The following USP34 variants were observed in gnomAD, a reference collection of about 807,000 sequenced individuals.
USP34 encodes the protein ubiquitin carboxyl-terminal hydrolase 34.
A neutral mutation model predicts 460.3 loss-of-function variants in USP34; 70 were observed. The ratio of observed to expected loss-of-function variants is 0.15; its 90% CI spans 0.13 to 0.19. The LOEUF is 0.19. Ranked by LOEUF, USP34 falls within the 10% of genes least tolerant of loss-of-function variation. The pLI is 1.00. For synonymous variants in USP34, 1,647 were observed against 1,405.3 expected (o/e 1.17, Z -3.85); for missense variants, 3,985 against 4,236.2 (o/e 0.94, Z 1.65).
At position 61,380,179 on chromosome 2, in the gene USP34, C is replaced by T. The variant is rs1181913739; in HGVS notation, c.1004G>A (p.Ser335Asn). The T allele has an allele frequency of 6.2e-7, 1 of 1,612,384 alleles. No homozygotes were observed. Among genetic ancestry groups the T allele is most frequent in the Non-Finnish European group, 8.5e-7 (1 of 1,179,080 alleles). The change falls in exon 7 of 80, where the codon AGT (serine) becomes AAT (asparagine). Residue 335 changes from serine (S) to asparagine (N), a missense_variant. Ser to Asn is a conservative substitution (Grantham distance 46, BLOSUM62 1). Transcript: ENST00000398571. ...PTLTMRLAGL[S>N]QITNQLHTFN... ...ACAAATACAGCTTACTGTTATCTGA[C>T]TCAATCCAGCCAACCTCATAGTCAA...
intron 5 of USP34, among the ~76,000 whole-genome samples, chr2:61,392,095 T>A (rs1693365116): frequency 6.6e-6 from 1 of 152,120 alleles, no homozygotes; most frequent in Non-Finnish European, 1.5e-5. Flanking sequence ...TAAAACAGAA[T>A]CTAAGCCTAA....
In USP34 at chr2:61,214,153, C is replaced by T; in HGVS notation, c.8589G>A (p.Glu2863=). The change falls in exon 68 of 80, where the codon GAG becomes GAA. Residue 2863 remains glutamate (E), a synonymous_variant. Coordinates refer to ENST00000398571, the MANE Select transcript of USP34 (RefSeq NM_014709.4). The stretch of plus-strand genomic sequence containing the variant: ...GTTGTCGTGTGAATGCAGGAGACTG[C>T]TCACAGCAGAGCCTCAGAATGCCAT... The part of the protein sequence containing the change: ...AYYGILRLCC[E]QSPAFTRQLA... 6.2e-7 allele frequency: 1 copy of T among 1,614,222 alleles called. No individual in the cohort carries two copies. Among genetic ancestry groups the T allele is most frequent in the Non-Finnish European group, 8.5e-7 (1 of 1,180,046 alleles).
chr2:61,274,256 G>A (rs554809021), intron 41 of USP34, among the ~76,000 whole-genome samples: 55 of 152,016 alleles, frequency 3.6e-4, no homozygotes, highest in African/African-American at 1.3e-3. Context: ...CAGGCATGGT[G>A]GTGCATGCCT....
At chr2:61,328,035 G>A (rs1691147851) in intron 20 of USP34, among the ~76,000 whole-genome samples, 1 of 152,136 alleles carries the variant, frequency 6.6e-6, no homozygotes, top group Non-Finnish European at 1.5e-5. Flanking sequence ...AGTGGCTCAT[G>A]CCTGTAATCC....
At chr2:61,418,661 C>T (rs530413430) in intron 2 of USP34, among the ~76,000 whole-genome samples, 5 of 152,176 alleles carry the variant, frequency 3.3e-5, no homozygotes, top group Admixed American at 3.3e-4. Context: ...TTAATCTAGG[C>T]CACAATATTT....
intron 48 of USP34, among the ~76,000 whole-genome samples, chr2:61,255,512 T>C (rs1366138671): frequency 6.6e-6 from 1 of 152,228 alleles, no homozygotes; most frequent in Non-Finnish European, 1.5e-5. Flanking sequence ...TGTGACTCCA[T>C]GTCTTCACAT....
intron 5 of USP34, among the ~76,000 whole-genome samples, chr2:61,387,976 T>TA (rs1222035921): frequency 1.9e-4 from 28 of 145,848 alleles, no homozygotes; most frequent in Admixed American, 4.8e-4. Context: ...TATATAAATA[T>TA]AAAAAAAAGG....
At chr2:61,245,368 C>T (rs1688392205) in intron 50 of USP34, 80 bp from the exon 51 acceptor site, 2 of 774,712 alleles carry the variant, frequency 2.6e-6, no homozygotes, top group Non-Finnish European at 3.9e-6. Context: ...TTTGAATAAC[C>T]AATGTTACAA....
chr2:61,396,219 C>T (rs76703109), intron 3 of USP34, among the ~76,000 whole-genome samples: 68 of 152,230 alleles, frequency 4.5e-4, no homozygotes, highest in African/African-American at 1.6e-3. Context: ...CACGTGCTTC[C>T]ATTGCATAAG....
chr2:61,213,633 A>G (rs1687327973), intron 68 of USP34, among the ~76,000 whole-genome samples: 1 of 152,242 alleles, frequency 6.6e-6, no homozygotes, highest in Admixed American at 6.5e-5. Context: ...GAGAAAAAAT[A>G]CTGCGGAATA....
At position 61,187,501 on chromosome 2, in the gene USP34, AT is replaced by A; in HGVS notation, c.*600del. ...CAATCAGTTTAATTAAGTGCACAGAATAGCAATCAATCAATCAGTCATGTCA... is the reference window on the plus strand; with the variant it reads ...CAATCAGTTTAATTAAGTGCACAGAAAGCAATCAATCAATCAGTCATGTCA... On this transcript the variant is annotated 3_prime_UTR_variant, in exon 80 of 80. Coordinates refer to ENST00000398571, the MANE Select transcript of USP34 (RefSeq NM_014709.4). The A allele has an allele frequency of 1.8e-5, 16 of 889,676 alleles. No individual in the cohort carries two copies. The highest frequency in any genetic ancestry group is 2.0e-5 in the Non-Finnish European group (16 of 788,994). 55.1% of individuals were successfully genotyped at this position (889,676 alleles called of 1,614,324 possible).
At chr2:61,360,909 T>C (rs759071673) in intron 10 of USP34, among the ~76,000 whole-genome samples, 11 of 152,144 alleles carry the variant, frequency 7.2e-5, no homozygotes, top group South Asian at 2.1e-4. Context: ...AGAAGTTAGC[T>C]CCTTGGCCTC....
chr2:61,190,735 A>G (rs1185809638), intron 76 of USP34, 77 bp from the exon 77 acceptor site: 5 of 1,515,068 alleles, frequency 3.3e-6, no homozygotes, highest in Non-Finnish European at 4.4e-6. Flanking sequence ...TTACACAGAA[A>G]AAACATACAC....
In USP34 at chr2:61,350,692, A is replaced by C. The variant is rs755127545; in HGVS notation, c.1253T>G (p.Leu418Trp). The change falls in exon 11 of 80, where the codon TTG (leucine) becomes TGG (tryptophan). Residue 418 changes from leucine (L) to tryptophan (W), a missense_variant and splice_region_variant. Leu to Trp is a moderately conservative substitution (Grantham distance 61, BLOSUM62 -2). Coordinates refer to ENST00000398571, the MANE Select transcript of USP34 (RefSeq NM_014709.4). ...HIDCIWAAAQ[L>W]KHCSRYIHDL... ...ATGTATATACCGACTACAATGTTTC[A>C]ACTAGAAAATCAAGTTAGAGAGAAT... 10 of 1,606,850 alleles carry C rather than the reference A, an allele frequency of 6.2e-6. No individual in the cohort carries two copies. In the East Asian group the frequency reaches 2.2e-4, roughly 36 times the overall value.
In USP34 at chr2:61,272,140, G is replaced by A. The variant is rs113337729; in HGVS notation, c.5434-5973C>T. ...TCAGGAGTCATTCTTGGCCGGGCAC[G>A]GCGGCTCACGCCTGTAATCCCAGCA... On this transcript the variant is annotated intron_variant, in intron 41 of 79. Coordinates refer to ENST00000398571, the MANE Select transcript of USP34 (RefSeq NM_014709.4). Among the ~76,000 whole-genome samples the A allele has an allele frequency of 6.7e-3, 1,024 of 152,218 alleles. 16 individuals are homozygous for A. Among genetic ancestry groups the A allele is most frequent in the African/African-American group, 0.023 (939 of 41,536 alleles).
At chr2:61,239,300 T>A (rs867088219) in intron 53 of USP34, among the ~76,000 whole-genome samples, 13 of 132,768 alleles carry the variant, frequency 9.8e-5, no homozygotes, top group African/African-American at 3.2e-4. Context: ...GAGGGCCCTG[T>A]CACACACACA....
Position 61,220,348 on chromosome 2 carries a change from C to G in USP34, c.8009G>C (p.Arg2670Pro). The change falls in exon 67 of 80, where the codon CGG becomes CCG. Residue 2670 changes from arginine (R) to proline (P), a missense_variant. This residue lies in a region of USP34 where 604 missense variants were observed against 684.8 expected (regional missense o/e 0.88). Transcript: ENST00000398571. ...VLQNMENWVERFLLAHNYPRV... is the reference protein window; with the variant it reads ...VLQNMENWVEPFLLAHNYPRV... ...AGGATAATTGTGAGCCAAAAGAAACCGCTCGACCCAGTTTTCCATATTCTG... is the reference window on the plus strand; with the variant it reads ...AGGATAATTGTGAGCCAAAAGAAACGGCTCGACCCAGTTTTCCATATTCTG... 6.2e-7 allele frequency: 1 copy of G among 1,613,700 alleles called. No homozygotes were observed. The highest frequency in any genetic ancestry group is 8.5e-7 in the Non-Finnish European group (1 of 1,179,862).
chr2:61,440,070 G>A (rs932613197), intron 1 of USP34, among the ~76,000 whole-genome samples: 1 of 152,118 alleles, frequency 6.6e-6, no homozygotes, highest in African/African-American at 2.4e-5. Flanking sequence ...TCTCCTCCCC[G>A]GTTCTGAGGG....
At chr2:61,336,220 C>G (rs1691411531) in intron 18 of USP34, among the ~76,000 whole-genome samples, 1 of 150,744 alleles carries the variant, frequency 6.6e-6, no homozygotes, top group Non-Finnish European at 1.5e-5. Flanking sequence ...TCTTGGCTCA[C>G]TGCAGCCTTG....
Sources: gnomAD v4.1 joint callset for allele counts (sites outside exome capture counted in the v4.1 genomes callset) on GRCh38, gnomAD v4.1.1 for gene constraint, gnomAD v4.1.1 regional missense constraint, MANE v1.5 for transcripts, NCBI Gene and HGNC (gene_info 2026-07-23, HGNC 2026-07-21) for gene names.